Variants in TGM5 observed in about 807,000 individuals in gnomAD.
The protein encoded by TGM5 is transglutaminase 5.
Under a neutral mutation model 77.2 loss-of-function variants are expected in TGM5, and 69 were observed. That is an observed-to-expected ratio of 0.89 (90% confidence interval 0.74 to 1.09). The LOEUF is 1.09. Ranked by LOEUF, TGM5 falls within the 50% of genes least tolerant of loss-of-function variation. The pLI is 0.00. For missense variants in TGM5, 842 were observed against 896.5 expected, an observed-to-expected ratio of 0.94 and a Z score of 0.78; for synonymous variants, 346 against 351.8, an observed-to-expected ratio of 0.98 and a Z score of 0.18.
intron 3 of TGM5, among the ~76,000 whole-genome samples, chr15:43,257,895 G>A (rs1047312634): frequency 9.2e-5 from 14 of 152,170 alleles, no homozygotes; most frequent in African/African-American, 3.4e-4. Flanking sequence ...ATACTATGCA[G>A]CCATAAAAAA....
rs766136598 is a variant in TGM5, at chr15:43,260,179, G to A, written c.309C>T (p.Ser103=). 2 of 1,613,978 alleles carry A rather than the reference G, an allele frequency of 1.2e-6. No individual in the cohort carries two copies. The highest frequency in any genetic ancestry group is 1.7e-6 in the Non-Finnish European group (2 of 1,180,050). ...CGGCCGCCGTGGGAGGAGCGCACAAGCTCACCTCTGTGGAGGTGGCCCCAT... is the reference window on the plus strand; with the variant it reads ...CGGCCGCCGTGGGAGGAGCGCACAAACTCACCTCTGTGGAGGTGGCCCCAT... ...ETNGATSTEV[S]LCAPPTAAVG... is the part of the protein sequence containing the mutation. Residue 103 remains serine (S), a synonymous_variant, in exon 3 of 13, where the codon AGC becomes AGT. Coordinates refer to ENST00000220420, the MANE Select transcript of TGM5 (RefSeq NM_201631.4).
intron 6 of TGM5, among the ~76,000 whole-genome samples, chr15:43,250,250 C>G (rs955612369): frequency 3.3e-5 from 5 of 152,176 alleles, no homozygotes; most frequent in African/African-American, 1.2e-4. Context: ...AGGACCCTAA[C>G]TGATGCTTCC....
At position 43,256,692 on chromosome 15, in the gene TGM5, A is replaced by T. The variant is rs763932632; in HGVS notation, c.437-6T>A. ...GTCCAAGTAGACAGCATCCTCTAGG[A>T]ACCAGAGTGGGAGGGCACGAAGCAG... On this transcript the variant is annotated splice_polypyrimidine_tract_variant and splice_region_variant and intron_variant, in intron 3 of 12. Transcript: ENST00000220420. The T allele has an allele frequency of 2.5e-6, 4 of 1,598,166 alleles. No individual in the cohort carries two copies. In the African/African-American group the frequency reaches 5.4e-5, roughly 21 times the overall value.
At chr15:43,261,881 AT>A (rs2042792718) in intron 1 of TGM5, among the ~76,000 whole-genome samples, 1 of 152,070 alleles carries the variant, frequency 6.6e-6, no homozygotes, top group Non-Finnish European at 1.5e-5. Context: ...CCTCAAGACA[AT>A]TTAATCATGC....
chr15:43,260,365 A>G, intron 2 of TGM5, 35 bp downstream of exon 2: 2 of 1,614,190 alleles, frequency 1.2e-6, no homozygotes, highest in Non-Finnish European at 1.7e-6. Context: ...CCTCCCAGAC[A>G]CACACAGCCC....
In TGM5 at chr15:43,238,805, T is replaced by G; in HGVS notation, c.1345+12A>C. 1 of 1,613,616 alleles carries G rather than the reference T, an allele frequency of 6.2e-7. No individual in the cohort carries two copies. Among genetic ancestry groups the G allele is most frequent in the South Asian group, 1.1e-5 (1 of 90,942 alleles). On this transcript the variant is annotated intron_variant, in intron 9 of 12. Transcript: ENST00000220420. ...GGCTGGGGCTCTGAGTAGGGCTGGCTTGCTTACTTACCTTCTTCATACTTG... is the reference window on the plus strand; with the variant it reads ...GGCTGGGGCTCTGAGTAGGGCTGGCGTGCTTACTTACCTTCTTCATACTTG...
intron 1 of TGM5, among the ~76,000 whole-genome samples, chr15:43,264,894 ATC>A (rs2042814485): frequency 6.6e-6 from 1 of 152,226 alleles, no homozygotes; most frequent in African/African-American, 2.4e-5. Flanking sequence ...TTTAACACAC[ATC>A]TGTTTCATAA....
chr15:43,257,337 C>T (rs533866121), intron 3 of TGM5, among the ~76,000 whole-genome samples: 8 of 152,104 alleles, frequency 5.3e-5, no homozygotes, highest in African/African-American at 1.2e-4. Flanking sequence ...TGTACATGGA[C>T]GTGGAAATCT....
At chr15:43,256,444 C>T (rs2042742544) in intron 4 of TGM5, 124 bp downstream of exon 4, 1 of 826,026 alleles carries the variant, frequency 1.2e-6, no homozygotes, top group South Asian at 1.4e-5. Context: ...GCTCACAACA[C>T]ACATCTTCCT....
At chr15:43,252,018 A>T (rs2042706665) in intron 6 of TGM5, among the ~76,000 whole-genome samples, 1 of 152,158 alleles carries the variant, frequency 6.6e-6, no homozygotes, top group African/African-American at 2.4e-5. Context: ...CCCATGGCCC[A>T]CACCACAGCC....
At chr15:43,245,879 G>T (rs952469928) in intron 6 of TGM5, among the ~76,000 whole-genome samples, 3 of 146,132 alleles carry the variant, frequency 2.1e-5, no homozygotes, top group Non-Finnish European at 3.0e-5. Context: ...GATTTGTAAG[G>T]GTTATCTGTG....
In TGM5 at chr15:43,241,005, C is replaced by CA. The variant is rs748852708; in HGVS notation, c.863-16dup. ...ACACCTCATCACTGCAAAAAGGGCA[C>CA]AAAAAAATCACCTGTGAGCTGTAGA... is the stretch of plus-strand genomic sequence containing the variant. On this transcript the variant is annotated splice_polypyrimidine_tract_variant and intron_variant, in intron 6 of 12. Coordinates refer to ENST00000220420, the MANE Select transcript of TGM5 (RefSeq NM_201631.4). The CA allele has an allele frequency of 6.2e-6, 10 of 1,614,036 alleles. No homozygotes were observed. The highest frequency in any genetic ancestry group is 1.7e-5 in the Admixed American group (1 of 60,018).
chr15:43,261,546 C>T (rs946001080), intron 1 of TGM5, among the ~76,000 whole-genome samples: 3 of 152,174 alleles, frequency 2.0e-5, no homozygotes, highest in African/African-American at 7.2e-5. Context: ...CACTAGTCTC[C>T]AAGTGTGTCT....
chr15:43,245,639 G>A (rs1046888866), intron 6 of TGM5, among the ~76,000 whole-genome samples: 9 of 152,136 alleles, frequency 5.9e-5, no homozygotes, highest in African/African-American at 1.9e-4. Flanking sequence ...GGGGGTGGGG[G>A]CAATTAAGAA....
chr15:43,262,990 G>A (rs1330145391), intron 1 of TGM5, among the ~76,000 whole-genome samples: 2 of 152,026 alleles, frequency 1.3e-5, no homozygotes, highest in Non-Finnish European at 2.9e-5. Context: ...CAAGGAACCC[G>A]CCAAAAAATA....
At chr15:43,263,476 T>A (rs1216349854) in intron 1 of TGM5, among the ~76,000 whole-genome samples, 2 of 152,188 alleles carry the variant, frequency 1.3e-5, no homozygotes, top group Non-Finnish European at 2.9e-5. Flanking sequence ...TATAGATCAG[T>A]GGAATAGAAC....
chr15:43,237,511 T>C (rs1299262905), intron 9 of TGM5, among the ~76,000 whole-genome samples: 2 of 152,202 alleles, frequency 1.3e-5, no homozygotes, highest in African/African-American at 2.4e-5. Flanking sequence ...GGCAATTTAA[T>C]TTGAATTTCA....
rs768039419 is a variant in TGM5 at position 43,266,832 on chromosome 15, T to C, written c.10+8A>G. 6.2e-7 allele frequency: 1 copy of C among 1,614,160 alleles called. No individual in the cohort carries two copies. Among genetic ancestry groups the C allele is most frequent in the East Asian group, 2.2e-5 (1 of 44,888 alleles). ...CTGAACTCCAGTGGCCACAGGGGCTTTCCCTACCTTGGGCCATGGTAGCTG... is the reference window on the plus strand; with the variant it reads ...CTGAACTCCAGTGGCCACAGGGGCTCTCCCTACCTTGGGCCATGGTAGCTG... On this transcript the variant is annotated splice_region_variant and intron_variant, in intron 1 of 12. Coordinates refer to ENST00000220420, the MANE Select transcript of TGM5 (RefSeq NM_201631.4).
At chr15:43,253,416 C>T (rs929323366) in intron 5 of TGM5, 90 bp downstream of exon 5, 1 of 1,569,476 alleles carries the variant, frequency 6.4e-7, no homozygotes, top group African/African-American at 1.3e-5. Context: ...CCAGAGGGTC[C>T]CTCTTTCACC....
Sources: gnomAD v4.1 joint callset for allele counts (sites outside exome capture counted in the v4.1 genomes callset) on GRCh38, gnomAD v4.1.1 for gene constraint, MANE v1.5 for transcripts, NCBI Gene and HGNC (gene_info 2026-07-23, HGNC 2026-07-21) for gene names.